Variants in NFIA observed in about 807,000 individuals in gnomAD.
NFIA encodes nuclear factor 1 A-type.
A neutral mutation model predicts 62.8 loss-of-function variants in NFIA; 8 were observed. The observed-to-expected ratio is 0.13, with a 90% CI of 0.07 to 0.23. The LOEUF is 0.23. Ranked by LOEUF, NFIA falls within the 10% of genes least tolerant of loss-of-function variation. The probability of loss-of-function intolerance (pLI) is 1.00; values close to 1 mark genes in which losing one functional copy is unlikely to be tolerated. For synonymous variants in NFIA, 235 were observed against 238.1 expected, an observed-to-expected ratio of 0.99 and a Z score of 0.12; for missense variants, 410 against 642.1, an observed-to-expected ratio of 0.64 and a Z score of 3.91.
At chr1:61,157,734 G>A (rs1250286079) in intron 2 of NFIA, among the ~76,000 whole-genome samples, 1 of 152,122 alleles carries the variant, frequency 6.6e-6, no homozygotes, top group African/African-American at 2.4e-5. Context: ...AAAGACTTTG[G>A]ACTCCTTCAG....
chr1:61,280,285 A>G (rs1319037103), intron 3 of NFIA, among the ~76,000 whole-genome samples: 2 of 152,166 alleles, frequency 1.3e-5, no homozygotes, highest in African/African-American at 4.8e-5. Flanking sequence ...TTACCTCAGG[A>G]TATGAAGATG....
intron 3 of NFIA, among the ~76,000 whole-genome samples, chr1:61,300,711 A>AT (rs1213354200): frequency 6.6e-6 from 1 of 151,950 alleles, no homozygotes; most frequent in African/African-American, 2.4e-5. Context: ...ATATGTGTAT[A>AT]TATATGTATA....
chr1:61,311,013 T>G (rs571982161), intron 3 of NFIA, among the ~76,000 whole-genome samples: 52 of 152,254 alleles, frequency 3.4e-4, no homozygotes, highest in African/African-American at 8.9e-4. Context: ...TAGTAGGCCC[T>G]TGGTGTGTTT....
intron 2 of NFIA, among the ~76,000 whole-genome samples, chr1:61,196,129 T>C (rs1651972270): frequency 6.6e-6 from 1 of 152,224 alleles, no homozygotes; most frequent in African/African-American, 2.4e-5. Context: ...TCTTGTCTTA[T>C]GTGTAGGTGC....
rs115554187 is a variant in NFIA, at chr1:61,252,347, G to A, written c.560-25173G>A. Among the ~76,000 whole-genome samples the A allele has an allele frequency of 4.1e-3, 631 of 152,178 alleles. 3 individuals carry two copies. The highest frequency in any genetic ancestry group is 0.014 in the African/African-American group (593 of 41,512). On this transcript the variant is annotated intron_variant, in intron 2 of 10. Transcript: ENST00000403491. ...CTTACCACGTCAGTTGTGTTATTCC[G>A]GACCTGTTTATACTAGTCTTATTTG... is the stretch of plus-strand genomic sequence containing the variant.
At chr1:61,101,853 G>A (rs1646518037) in intron 2 of NFIA, among the ~76,000 whole-genome samples, 1 of 152,220 alleles carries the variant, frequency 6.6e-6, no homozygotes, top group Non-Finnish European at 1.5e-5. Flanking sequence ...GCATGTGTTA[G>A]TGGATTAATG....
chr1:61,373,377 G>T (rs752537202), intron 6 of NFIA, among the ~76,000 whole-genome samples: 23 of 152,042 alleles, frequency 1.5e-4, no homozygotes, highest in Non-Finnish European at 3.4e-4. Context: ...ATTTGAAGAG[G>T]GCTAAAATTT....
intron 7 of NFIA, among the ~76,000 whole-genome samples, chr1:61,399,000 T>C (rs1665420596): frequency 6.6e-6 from 1 of 152,236 alleles, no homozygotes; most frequent in Admixed American, 6.5e-5. Context: ...GGGATTTTTT[T>C]CTTCGATTTT....
At chr1:61,446,040 A>G (rs1667795084) in intron 10 of NFIA, among the ~76,000 whole-genome samples, 1 of 152,194 alleles carries the variant, frequency 6.6e-6, no homozygotes, top group East Asian at 1.9e-4. Context: ...AAAAAAAATG[A>G]TTCCTGGCAC....
In NFIA at chr1:61,277,351, C is replaced by T. The variant is rs137892344; in HGVS notation, c.560-169C>T. Among the ~76,000 whole-genome samples, 32 of 152,268 alleles carry T rather than the reference C, an allele frequency of 2.1e-4. No homozygotes were observed. The East Asian group carries it at 5.8e-3, about 28-fold the overall frequency. On this transcript the variant is annotated intron_variant, in intron 2 of 10. Transcript: ENST00000403491. ...AAGGCACAGGCTGCTGCTGCATTTCCCTCTCTTTCTTTTCTCTTTCCATCT... is the reference window on the plus strand; with the variant it reads ...AAGGCACAGGCTGCTGCTGCATTTCTCTCTCTTTCTTTTCTCTTTCCATCT...
rs115048598 is a variant in NFIA at position 61,207,497 on chromosome 1, G to A, written c.560-70023G>A. On this transcript the variant is annotated intron_variant, in intron 2 of 10. Coordinates refer to ENST00000403491, the MANE Select transcript of NFIA (RefSeq NM_001134673.4). The stretch of plus-strand genomic sequence containing the variant: ...GTGCCTTCCTCCCAGCTCCCCCAGT[G>A]TGGTAGCTGTCATTCTTAACAAACT... 4.2e-3 allele frequency among the ~76,000 whole-genome samples: 637 copies of A among 152,274 alleles called. 9 individuals are homozygous for A. Among genetic ancestry groups the A allele is most frequent in the Admixed American group, 0.02 (306 of 15,286 alleles).
intron 2 of NFIA, among the ~76,000 whole-genome samples, chr1:61,184,115 G>GGGA (rs369967972): frequency 1.3e-4 from 9 of 69,596 alleles, no homozygotes; most frequent in African/African-American, 5.0e-4. Flanking sequence ...ATGGGGGGGG[G>GGGA]AAAAAAAACC....
intron 9 of NFIA, among the ~76,000 whole-genome samples, chr1:61,425,574 C>T (rs1468086868): frequency 2.0e-5 from 3 of 152,028 alleles, no homozygotes; most frequent in Non-Finnish European, 4.4e-5. Context: ...GTGAACAAAT[C>T]CTTGGAGGTG....
At position 61,396,485 on chromosome 1, in the gene NFIA, G is replaced by T. The variant is rs113458033; in HGVS notation, c.1076-7619G>T. Among the ~76,000 whole-genome samples the T allele has an allele frequency of 7.3e-3, 1,105 of 152,240 alleles. 14 individuals are homozygous for T. Among genetic ancestry groups the T allele is most frequent in the African/African-American group, 0.025 (1,040 of 41,538 alleles). ...TGGTCTCAAACTCCTGGGCTCGAGT[G>T]ATTCTCCTGCCTCAGCCTTCTGAGT... is the stretch of plus-strand genomic sequence containing the variant. On this transcript the variant is annotated intron_variant, in intron 7 of 10. Coordinates refer to ENST00000403491, the MANE Select transcript of NFIA (RefSeq NM_001134673.4).
At chr1:61,277,229 G>C (rs1437850552) in intron 2 of NFIA, among the ~76,000 whole-genome samples, 1 of 152,174 alleles carries the variant, frequency 6.6e-6, no homozygotes, top group African/African-American at 2.4e-5. Context: ...GTTTGGAAAT[G>C]GTCTCTCTAA....
At chr1:61,204,515 C>A (rs1441900560) in intron 2 of NFIA, among the ~76,000 whole-genome samples, 1 of 151,914 alleles carries the variant, frequency 6.6e-6, no homozygotes, top group African/African-American at 2.4e-5. Flanking sequence ...TAAGAAACAG[C>A]CTTTTCTATG....
upstream of NFIA, among the ~76,000 whole-genome samples, chr1:61,078,876 C>T (rs971966882): frequency 6.6e-6 from 1 of 152,178 alleles, no homozygotes; most frequent in Admixed American, 6.5e-5. Flanking sequence ...GATACAAATC[C>T]AGTGGAAACC....
intron 10 of NFIA, among the ~76,000 whole-genome samples, chr1:61,446,561 G>T (rs1358382119): frequency 6.6e-6 from 1 of 152,330 alleles, no homozygotes; most frequent in African/African-American, 2.4e-5. Flanking sequence ...CTGTGCCAGG[G>T]CTTGAGCGTG....
chr1:61,183,053 C>CT (rs1297892138), intron 2 of NFIA, among the ~76,000 whole-genome samples: 1 of 152,020 alleles, frequency 6.6e-6, no homozygotes, highest in East Asian at 1.9e-4. Context: ...GGCAGCTTCT[C>CT]TTATTTCTAC....
Sources: gnomAD v4.1 joint callset for allele counts (sites outside exome capture counted in the v4.1 genomes callset) on GRCh38, gnomAD v4.1.1 for gene constraint, MANE v1.5 for transcripts, NCBI Gene and HGNC (gene_info 2026-07-23, HGNC 2026-07-21) for gene names.